The following SH3BP4 variants were observed in gnomAD, a reference collection of about 807,000 sequenced individuals.
SH3BP4 encodes the protein SH3 domain binding protein 4, also known as SH3 domain-binding protein 4.
Under a neutral mutation model 65.5 loss-of-function variants are expected in SH3BP4, and 33 were observed. That is an observed-to-expected ratio of 0.50 (90% confidence interval 0.38 to 0.67). The LOEUF (loss-of-function observed/expected upper bound fraction) is 0.67, where lower values mean the gene tolerates loss of function less well. Among genes scored for constraint, SH3BP4 ranks in the 30% least tolerant of loss-of-function variants. The pLI is 0.00. For synonymous variants in SH3BP4, 552 were observed against 545.5 expected (o/e 1.01, Z -0.17); for missense variants, 1,134 against 1,261.4 (o/e 0.90, Z 1.53).
At chr2:234,985,698 G>A (rs542489026) in intron 1 of SH3BP4, among the ~76,000 whole-genome samples, 4 of 152,204 alleles carry the variant, frequency 2.6e-5, no homozygotes, top group Non-Finnish European at 5.9e-5. Context: ...TTCGGGTGAA[G>A]CAGCCCTCGA....
intron 1 of SH3BP4, among the ~76,000 whole-genome samples, chr2:234,963,295 TCTTTTA>T (rs1223732924): frequency 6.6e-6 from 1 of 152,362 alleles, no homozygotes; most frequent in South Asian, 2.1e-4. Flanking sequence ...TTTGAATGAA[TCTTTTA>T]CTTTTATTGT....
At chr2:235,040,725 A>G (rs760182446) in intron 3 of SH3BP4, among the ~76,000 whole-genome samples, 163 bp from the exon 4 acceptor site, 14 of 152,036 alleles carry the variant, frequency 9.2e-5, no homozygotes, top group Non-Finnish European at 1.8e-4. Flanking sequence ...TTCGTTGGCC[A>G]GGTAAATTAC....
At chr2:235,012,497 G>T (rs574802205) in intron 2 of SH3BP4, among the ~76,000 whole-genome samples, 1 of 152,344 alleles carries the variant, frequency 6.6e-6, no homozygotes, top group South Asian at 2.1e-4. Flanking sequence ...AGCACACCCT[G>T]TGTCTGAGTG....
chr2:235,010,758 TC>T (rs1694456767), intron 2 of SH3BP4, among the ~76,000 whole-genome samples: 1 of 87,988 alleles, frequency 1.1e-5, no homozygotes, highest in South Asian at 3.5e-4. Flanking sequence ...CAACCCTTCC[TC>T]CCTCTCCTAG....
intron 3 of SH3BP4, 111 bp from the exon 4 acceptor site, chr2:235,040,777 C>A: frequency 1.1e-6 from 1 of 912,408 alleles, no homozygotes; most frequent in Non-Finnish European, 1.7e-6. Flanking sequence ...GGTGACTTGC[C>A]TGGGTTATTG....
intron 1 of SH3BP4, among the ~76,000 whole-genome samples, chr2:234,971,233 C>T (rs992353019): frequency 1.3e-5 from 2 of 152,174 alleles, no homozygotes; most frequent in Non-Finnish European, 2.9e-5. Context: ...AGGTACCTCA[C>T]GTAGGTGGAA....
chr2:234,983,730 C>T (rs977112397), intron 1 of SH3BP4, among the ~76,000 whole-genome samples: 1 of 152,094 alleles, frequency 6.6e-6, no homozygotes, highest in Admixed American at 6.5e-5. Context: ...AGCAGGAGGC[C>T]CTGGAATGGT....
At position 235,040,949 on chromosome 2, in the gene SH3BP4, G is replaced by A. The variant is rs747506114; in HGVS notation, c.180G>A (p.Val60=). The A allele has an allele frequency of 6.2e-7, 1 of 1,614,158 alleles. No individual in the cohort carries two copies. The highest frequency in any genetic ancestry group is 8.5e-7 in the Non-Finnish European group (1 of 1,180,032). ...NPTPFGNAKE[V]IAIKDYCPTN... ...CACCTTTCGGAAATGCAAAGGAAGT[G>A]ATTGCGATCAAGGACTATTGCCCCA... Residue 60 remains valine (V), a synonymous_variant, in exon 4 of 6, where the codon GTG becomes GTA. Transcript: ENST00000392011.
intron 4 of SH3BP4, among the ~76,000 whole-genome samples, chr2:235,048,254 T>C (rs1246637310): frequency 6.6e-6 from 1 of 152,154 alleles, no homozygotes; most frequent in Non-Finnish European, 1.5e-5. Context: ...TTGGGGCATG[T>C]TGGGAAGGAA....
intron 3 of SH3BP4, among the ~76,000 whole-genome samples, chr2:235,039,325 C>T (rs995799260): frequency 2.0e-5 from 3 of 152,104 alleles, no homozygotes; most frequent in African/African-American, 7.2e-5. Context: ...GTGATTATTT[C>T]CTTTCAAAGG....
Position 235,028,268 on chromosome 2 carries a change from G to C in SH3BP4, c.-132-6603G>C, listed in dbSNP as rs553064210. ...CTTGAGATCCAGTGGTGGCTGTCCT[G>C]CCCAGGGTGGGCCCTGCAACTGCAG... is the stretch of plus-strand genomic sequence containing the variant. On this transcript the variant is annotated intron_variant, in intron 2 of 5. Transcript: ENST00000392011. Among the ~76,000 whole-genome samples the C allele has an allele frequency of 3.3e-5, 5 of 152,334 alleles. No individual in the cohort carries two copies. The South Asian group carries it at 8.3e-4, about 25-fold the overall frequency.
At position 234,976,608 on chromosome 2, in the gene SH3BP4, T is replaced by C. The variant is rs1693174348; in HGVS notation, c.-206-18695T>C. Among the ~76,000 whole-genome samples, 1 of 152,060 alleles carries C rather than the reference T, an allele frequency of 6.6e-6. No individual in the cohort carries two copies. The highest frequency in any genetic ancestry group is 1.5e-5 in the Non-Finnish European group (1 of 68,008). On this transcript the variant is annotated intron_variant, in intron 1 of 5. Transcript: ENST00000392011. The surrounding 1 kb of genome is among the most constrained non-coding windows in gnomAD (Gnocchi z 4.7). ...TCTCTGAGCAGAGCAAGCAGGGGCC[T>C]GCGGAAGGGGTTAAGAGGGGCTGGG... is the stretch of plus-strand genomic sequence containing the variant.
intron 1 of SH3BP4, among the ~76,000 whole-genome samples, chr2:234,987,407 A>C (rs1559233414): frequency 1.3e-5 from 2 of 152,118 alleles, no homozygotes; most frequent in Non-Finnish European, 2.9e-5. Flanking sequence ...AACCCACATG[A>C]ACTTGATGTA....
At chr2:234,960,173 C>T (rs1692674551) in intron 1 of SH3BP4, among the ~76,000 whole-genome samples, 1 of 152,190 alleles carries the variant, frequency 6.6e-6, no homozygotes, top group Non-Finnish European at 1.5e-5. Context: ...ACACATAATT[C>T]ATGTAGAATG....
At chr2:235,022,579 G>C (rs935845704) in intron 2 of SH3BP4, among the ~76,000 whole-genome samples, 2 of 152,160 alleles carry the variant, frequency 1.3e-5, no homozygotes, top group African/African-American at 4.8e-5. Flanking sequence ...TCAAAGGAGG[G>C]TGGATTGAAA....
chr2:235,042,641 G>A lies in SH3BP4; in HGVS notation c.1872G>A (p.Arg624=), dbSNP rs1474415523. ...KSAIKPSGQR[R]FLKKNEVGKI... ...CCATCAAGCCTTCCGGGCAAAGGAG[G>A]TTTCTCAAGAAGAACGAAGTCGGGA... is the stretch of plus-strand genomic sequence containing the variant. Residue 624 remains arginine, a synonymous_variant, in exon 4 of 6, where the codon AGG becomes AGA. Coordinates refer to ENST00000392011, the MANE Select transcript of SH3BP4 (RefSeq NM_014521.3). The surrounding 1 kb of genome is among the most constrained non-coding windows in gnomAD (Gnocchi z 7.3). 5 of 1,614,028 alleles carry A rather than the reference G, an allele frequency of 3.1e-6. No homozygotes were observed. Among genetic ancestry groups the A allele is most frequent in the Non-Finnish European group, 4.2e-6 (5 of 1,180,052 alleles).
intron 4 of SH3BP4, among the ~76,000 whole-genome samples, chr2:235,051,069 T>C (rs1696035255): frequency 6.6e-6 from 1 of 151,956 alleles, no homozygotes; most frequent in Admixed American, 6.6e-5. Flanking sequence ...AGAGAAAGCT[T>C]TAAGGGTGGG....
At chr2:235,047,958 C>A (rs1431158675) in intron 4 of SH3BP4, among the ~76,000 whole-genome samples, 1 of 152,052 alleles carries the variant, frequency 6.6e-6, no homozygotes, top group East Asian at 1.9e-4. Context: ...CGGAATAAAC[C>A]CAAAGAGACT....
chr2:235,029,637 T>C (rs1160876157), intron 2 of SH3BP4, among the ~76,000 whole-genome samples: 1 of 152,244 alleles, frequency 6.6e-6, no homozygotes, highest in Non-Finnish European at 1.5e-5. Context: ...AATGTTTTAT[T>C]GTGCACATTT....
Sources: gnomAD v4.1 joint callset for allele counts (sites outside exome capture counted in the v4.1 genomes callset) on GRCh38, gnomAD v4.1.1 for gene constraint, Gnocchi (gnomAD v3.1) non-coding constraint, MANE v1.5 for transcripts, NCBI Gene and HGNC (gene_info 2026-07-23, HGNC 2026-07-21) for gene names.